ONECUT1: variants seen among roughly 807,000 people sequenced by gnomAD.
ONECUT1 encodes the protein hepatocyte nuclear factor 6.
Under a neutral mutation model 25.6 loss-of-function variants are expected in ONECUT1, and 12 were observed. The observed-to-expected ratio is 0.47, with a 90% CI of 0.30 to 0.76. The LOEUF (loss-of-function observed/expected upper bound fraction) is 0.76, where lower values mean the gene tolerates loss of function less well. ONECUT1 is among the 30% of genes least tolerant of loss of function. The pLI is 0.07. For missense variants in ONECUT1, 620 were observed against 651.2 expected (o/e 0.95, Z 0.52); for synonymous variants, 285 against 270.2 (o/e 1.05, Z -0.54).
intron 1 of ONECUT1, among the ~76,000 whole-genome samples, chr15:52,777,621 C>T (rs1480968844): frequency 6.6e-6 from 1 of 151,568 alleles, no homozygotes; most frequent in African/African-American, 2.4e-5. Flanking sequence ...TCCTCCATTT[C>T]TGTCCCAAGT....
rs1464717008 is a variant in ONECUT1, at chr15:52,755,146, G to T, written c.*2409C>A. On this transcript the variant is annotated 3_prime_UTR_variant, in exon 2 of 2. Coordinates refer to ENST00000305901, the MANE Select transcript of ONECUT1 (RefSeq NM_004498.4). ...GGGGTATTGAATTTGGTAAGATTGTGTGTAGACACAGCTTGAATTTCCCTG... is the reference window on the plus strand; with the variant it reads ...GGGGTATTGAATTTGGTAAGATTGTTTGTAGACACAGCTTGAATTTCCCTG... 2.6e-5 allele frequency among the ~76,000 whole-genome samples: 4 copies of T among 151,868 alleles called. No individual in the cohort carries two copies. Among genetic ancestry groups the T allele is most frequent in the Non-Finnish European group, 4.4e-5 (3 of 67,994 alleles).
rs1029986210 is a variant in ONECUT1 at position 52,784,491 on chromosome 15, C to T, written c.1105+4289G>A. Among the ~76,000 whole-genome samples the T allele has an allele frequency of 6.6e-6, 1 of 152,104 alleles. No individual in the cohort carries two copies. Among genetic ancestry groups the T allele is most frequent in the Non-Finnish European group, 1.5e-5 (1 of 68,024 alleles). The stretch of plus-strand genomic sequence containing the variant: ...AAGGTCGCCACACAATAGCCATCAG[C>T]CCCCCTTAAGCCCCAGAAGTAGGTT... On this transcript the variant is annotated intron_variant, in intron 1 of 1. Transcript: ENST00000305901. This position sits in a 1 kb window ranked among gnomAD's most constrained non-coding sequence, Gnocchi z 5.0.
At chr15:52,761,861 A>G (rs774881690) in intron 1 of ONECUT1, among the ~76,000 whole-genome samples, 5 of 152,218 alleles carry the variant, frequency 3.3e-5, no homozygotes, top group Admixed American at 6.5e-5. Context: ...AGATGGAGAA[A>G]TGAGTTTTAT....
chr15:52,760,407 C>T (rs898875649), intron 1 of ONECUT1, among the ~76,000 whole-genome samples: 1 of 152,206 alleles, frequency 6.6e-6, no homozygotes, highest in Non-Finnish European at 1.5e-5. Flanking sequence ...ATGGCTGATT[C>T]ATTGACTTAA....
At chr15:52,766,195 T>G (rs538911824) in intron 1 of ONECUT1, among the ~76,000 whole-genome samples, 2 of 151,858 alleles carry the variant, frequency 1.3e-5, no homozygotes, top group East Asian at 3.9e-4. Flanking sequence ...TATCATGTGA[T>G]CCCCACAAAA....
intron 1 of ONECUT1, chr15:52,785,764 A>C (rs143366211): frequency 2.1e-4 from 32 of 152,366 alleles, no homozygotes; most frequent in African/African-American, 7.7e-4. Flanking sequence ...CAAGTAGTAC[A>C]TGGAGGGAAC....
chr15:52,760,377 C>T (rs1429349999), intron 1 of ONECUT1, among the ~76,000 whole-genome samples: 1 of 152,154 alleles, frequency 6.6e-6, no homozygotes, highest in Non-Finnish European at 1.5e-5. Context: ...TGGACACAGC[C>T]TCATACAATA....
rs1176873440 is a variant in ONECUT1, at chr15:52,755,125, T to C, written c.*2430A>G. Reference sequence around the variant, plus strand: ...GAATTCTGCTATTCTTTTCTTGGGGTATTGAATTTGGTAAGATTGTGTGTA... The same window carrying C: ...GAATTCTGCTATTCTTTTCTTGGGGCATTGAATTTGGTAAGATTGTGTGTA... On this transcript the variant is annotated 3_prime_UTR_variant, in exon 2 of 2. Transcript: ENST00000305901. Among the ~76,000 whole-genome samples the C allele has an allele frequency of 1.3e-5, 2 of 151,460 alleles. No individual in the cohort carries two copies. The highest frequency in any genetic ancestry group is 2.4e-5 in the African/African-American group (1 of 41,124).
In ONECUT1 at chr15:52,784,057, G is replaced by A. The variant is rs1036566007; in HGVS notation, c.1105+4723C>T. 6.6e-6 allele frequency among the ~76,000 whole-genome samples: 1 copy of A among 152,332 alleles called. No homozygotes were observed. The highest frequency in any genetic ancestry group is 2.1e-4 in the South Asian group (1 of 4,826). On this transcript the variant is annotated intron_variant, in intron 1 of 1. Transcript: ENST00000305901. The surrounding 1 kb of genome is among the most constrained non-coding windows in gnomAD (Gnocchi z 5.0). ...CGCTGCCGCGGGCTGAACCACGGAC[G>A]CTCGCGGGTCGCCCAGCCCCGACGG...
At chr15:52,762,381 A>ATGAATCT (rs1265660541) in intron 1 of ONECUT1, among the ~76,000 whole-genome samples, 2 of 152,282 alleles carry the variant, frequency 1.3e-5, no homozygotes, top group African/African-American at 4.8e-5. Flanking sequence ...TTCATAACAT[A>ATGAATCT]TGTAAGCACA....
Position 52,788,635 on chromosome 15 carries a change from C to T in ONECUT1, c.1105+145G>A, listed in dbSNP as rs2141466816. 4 of 872,880 alleles carry T rather than the reference C, an allele frequency of 4.6e-6. No homozygotes were observed. Among genetic ancestry groups the T allele is most frequent in the East Asian group, 5.2e-5 (2 of 38,186 alleles). 54.1% of individuals were successfully genotyped at this position (872,880 alleles called of 1,614,324 possible). On this transcript the variant is annotated intron_variant, in intron 1 of 1. Coordinates refer to ENST00000305901, the MANE Select transcript of ONECUT1 (RefSeq NM_004498.4). The surrounding 1 kb of genome is among the most constrained non-coding windows in gnomAD (Gnocchi z 4.3). ...TTGCTCCCACAGCCCTGTGCTGGCC[C>T]TTCCAGGCACAGGGAGTCCCCCTTC...
rs1031003346 is a variant in ONECUT1 at position 52,789,325 on chromosome 15, A to T, written c.560T>A (p.Leu187Gln). 4 of 1,581,476 alleles carry T rather than the reference A, an allele frequency of 2.5e-6. No individual in the cohort carries two copies. In the African/African-American group the frequency reaches 5.4e-5, roughly 21 times the overall value. Residue 187 changes from leucine to glutamine, a missense_variant, in exon 1 of 2, where the codon CTG becomes CAG. By Grantham distance (113) the Leu-to-Gln change is moderately radical. Transcript: ENST00000305901. The surrounding 1 kb of genome is among the most constrained non-coding windows in gnomAD (Gnocchi z 4.1). ...TTGCTGGGAGTTGTGGATGCTGCCC[A>T]GACCGGAGCTGGAGAGGGGCGAGAG... is the stretch of plus-strand genomic sequence containing the variant. ...QSLSPLSSSG[L>Q]GSIHNSQQGL... is the part of the protein sequence containing the mutation.
intron 1 of ONECUT1, among the ~76,000 whole-genome samples, chr15:52,777,697 AACACACAC>A (rs369734028): frequency 0.013 from 1,532 of 122,158 alleles, 38 homozygotes; most frequent in South Asian, 0.019. Flanking sequence ...CTTCCTGGAA[AACACACAC>A]ACACACACAC....
At chr15:52,764,788 G>C (rs951274879) in intron 1 of ONECUT1, among the ~76,000 whole-genome samples, 1 of 152,196 alleles carries the variant, frequency 6.6e-6, no homozygotes, top group Non-Finnish European at 1.5e-5. Flanking sequence ...GGCTGATGTA[G>C]ATGCTGAAAA....
rs144785593 is a variant in ONECUT1 at position 52,759,690 on chromosome 15, C to T, written c.1106-1843G>A. On this transcript the variant is annotated intron_variant, in intron 1 of 1. Coordinates refer to ENST00000305901, the MANE Select transcript of ONECUT1 (RefSeq NM_004498.4). ...CTTGGCACACTGCAACCTCTGCCTC[C>T]GTGGGCTCAAGCGATCCTCTCACCT... Among the ~76,000 whole-genome samples, 525 of 152,276 alleles carry T rather than the reference C, an allele frequency of 3.4e-3. 2 individuals carry two copies. Among genetic ancestry groups the T allele is most frequent in the African/African-American group, 0.012 (509 of 41,548 alleles).
intron 1 of ONECUT1, among the ~76,000 whole-genome samples, chr15:52,761,740 C>A (rs1459128313): frequency 2.0e-5 from 3 of 152,172 alleles, no homozygotes; most frequent in Non-Finnish European, 4.4e-5. Context: ...AGAAGAACTT[C>A]TTGGGCGGTC....
intron 1 of ONECUT1, among the ~76,000 whole-genome samples, chr15:52,766,075 G>A (rs2083732250): frequency 6.6e-6 from 1 of 152,204 alleles, no homozygotes; most frequent in South Asian, 2.1e-4. Flanking sequence ...TCACACACAT[G>A]GAAAGCCTAA....
At chr15:52,779,483 A>C (rs781027483) in intron 1 of ONECUT1, among the ~76,000 whole-genome samples, 3 of 152,152 alleles carry the variant, frequency 2.0e-5, no homozygotes, top group Admixed American at 6.5e-5. Flanking sequence ...ATATTATTCG[A>C]TGGGATAAAG....
chr15:52,788,376 A>C lies in ONECUT1; in HGVS notation c.1105+404T>G. 6.2e-5 allele frequency: 11 copies of C among 177,782 alleles called. No individual in the cohort carries two copies. Among genetic ancestry groups the C allele is most frequent in the Non-Finnish European group, 9.6e-5 (8 of 82,906 alleles). 11.0% of individuals were successfully genotyped at this position (177,782 alleles called of 1,614,324 possible). A position where few individuals can be genotyped will look rare whatever the true frequency, so the allele number is the denominator to read the frequency against. The stretch of plus-strand genomic sequence containing the variant: ...GATGTGTCAGAGGTACCTGCGAGGA[A>C]CATTTGCGTGCGATTCCACGCACGC... On this transcript the variant is annotated intron_variant, in intron 1 of 1. Coordinates refer to ENST00000305901, the MANE Select transcript of ONECUT1 (RefSeq NM_004498.4). This position sits in a 1 kb window ranked among gnomAD's most constrained non-coding sequence, Gnocchi z 4.3.
Sources: allele counts gnomAD v4.1 joint callset (sites outside exome capture counted in the v4.1 genomes callset), GRCh38; gene constraint gnomAD v4.1.1; non-coding constraint Gnocchi (gnomAD v3.1); transcripts MANE v1.5; gene names NCBI Gene and HGNC (gene_info 2026-07-23, HGNC 2026-07-21).